TFDP1: variants seen among roughly 807,000 people sequenced by gnomAD.
The protein encoded by TFDP1 is transcription factor Dp-1, also known as DRTF1-polypeptide 1.
Under a neutral mutation model 48.0 loss-of-function variants are expected in TFDP1, and 6 were observed. The ratio of observed to expected loss-of-function variants is 0.13; its 90% CI spans 0.07 to 0.25. The LOEUF (loss-of-function observed/expected upper bound fraction) is 0.25, where lower values mean the gene tolerates loss of function less well. TFDP1 is among the 10% of genes least tolerant of loss of function. The pLI is 1.00. For missense variants in TFDP1, 335 were observed against 543.0 expected (o/e 0.62, Z 3.81); for synonymous variants, 201 against 211.6 (o/e 0.95, Z 0.44).
chr13:113,608,122 C>T (rs780435352), intron 2 of TFDP1, among the ~76,000 whole-genome samples: 15 of 152,092 alleles, frequency 9.9e-5, no homozygotes, highest in Non-Finnish European at 2.2e-4. Flanking sequence ...AGGCCGCAGG[C>T]AGCCGCTCTT....
intron 3 of TFDP1, among the ~76,000 whole-genome samples, chr13:113,616,707 C>T (rs1483541736): frequency 1.3e-5 from 2 of 152,150 alleles, no homozygotes; most frequent in African/African-American, 4.8e-5. Context: ...GTGTTGCTTA[C>T]GTAATTCCTC....
At chr13:113,610,468 G>A (rs1048668754) in intron 2 of TFDP1, among the ~76,000 whole-genome samples, 2 of 148,906 alleles carry the variant, frequency 1.3e-5, no homozygotes, top group African/African-American at 5.1e-5. Flanking sequence ...GTGCCATCAC[G>A]TGTGCCCCCG....
At chr13:113,618,518 C>T (rs2048917683) in intron 3 of TFDP1, among the ~76,000 whole-genome samples, 1 of 152,152 alleles carries the variant, frequency 6.6e-6, no homozygotes, top group Non-Finnish European at 1.5e-5. Flanking sequence ...GAGACCCTGT[C>T]TCAAAAACAA....
At chr13:113,612,713 C>T (rs2048735340) in intron 3 of TFDP1, among the ~76,000 whole-genome samples, 1 of 152,194 alleles carries the variant, frequency 6.6e-6, no homozygotes, top group South Asian at 2.1e-4. Context: ...GGGCTGTCTC[C>T]TTTTCCATTC....
intron 2 of TFDP1, among the ~76,000 whole-genome samples, chr13:113,599,185 T>G (rs943753853): frequency 1.3e-5 from 2 of 151,816 alleles, no homozygotes; most frequent in African/African-American, 4.8e-5. Flanking sequence ...TTTTTTCACA[T>G]CAATAAATAT....
intron 4 of TFDP1, among the ~76,000 whole-genome samples, chr13:113,626,139 TCAGGTGTCTCTCAGGTGTCCC>T (rs1194024238): frequency 6.7e-6 from 1 of 149,104 alleles, no homozygotes; most frequent in African/African-American, 2.6e-5. Flanking sequence ...TCACGTGTCC[TCAGGTGTCTCTCAGGTGTCCC>T]CAGGTGTCTC....
At chr13:113,600,447 T>C (rs1234696026) in intron 2 of TFDP1, among the ~76,000 whole-genome samples, 5 of 149,028 alleles carry the variant, frequency 3.4e-5, no homozygotes, top group East Asian at 2.0e-4. Flanking sequence ...CCCTTGCACA[T>C]AGGGCTCCAG....
chr13:113,626,417 G>A (rs2049180769), intron 4 of TFDP1, among the ~76,000 whole-genome samples: 1 of 152,180 alleles, frequency 6.6e-6, no homozygotes, highest in African/African-American at 2.4e-5. Flanking sequence ...GTTAGGATAT[G>A]AGTTTTAAGA....
intron 2 of TFDP1, 82 bp from the exon 3 acceptor site, chr13:113,610,914 C>A: frequency 1.6e-6 from 2 of 1,280,108 alleles, no homozygotes; most frequent in Non-Finnish European, 2.3e-6. Flanking sequence ...TTTGATAGAA[C>A]CCTTGAGGGT....
At position 113,640,231 on chromosome 13, in the gene TFDP1, G is replaced by A; in HGVS notation, c.1197G>A (p.Glu399=). The part of the protein sequence containing the change: ...PVSYVGEDDE[E]DDDFNENDED... The stretch of plus-strand genomic sequence containing the variant: ...CCTACGTCGGGGAGGACGACGAGGA[G>A]GACGATGACTTCAACGAGAATGACG... Residue 399 remains glutamate, a synonymous_variant, in exon 12 of 12, where the codon GAG becomes GAA. Coordinates refer to ENST00000375370, the MANE Select transcript of TFDP1 (RefSeq NM_007111.5). 1.2e-6 allele frequency: 2 copies of A among 1,613,594 alleles called. No homozygotes were observed. Among genetic ancestry groups the A allele is most frequent in the Non-Finnish European group, 1.7e-6 (2 of 1,179,788 alleles).
intron 11 of TFDP1, among the ~76,000 whole-genome samples, 192 bp downstream of exon 11, chr13:113,638,088 C>A (rs774613284): frequency 1.1e-4 from 17 of 152,216 alleles, no homozygotes; most frequent in Admixed American, 3.3e-4. Flanking sequence ...GGTTTCTGCT[C>A]ACTAAAAACT....
rs76755451 is a variant in TFDP1 at position 113,620,816 on chromosome 13, T to A, written c.80-2364T>A. On this transcript the variant is annotated intron_variant, in intron 3 of 11. Transcript: ENST00000375370. ...TTGGAAGAAAATTTCCCAAAGCAGA[T>A]CATCTTATTTTAGTTCCAGAAGAGA... 4.4e-3 allele frequency among the ~76,000 whole-genome samples: 669 copies of A among 152,342 alleles called. 31 individuals are homozygous for A. The East Asian group carries it at 0.11, about 24-fold the overall frequency.
chr13:113,620,567 G>A (rs1566661983), intron 3 of TFDP1, among the ~76,000 whole-genome samples: 1 of 152,176 alleles, frequency 6.6e-6, no homozygotes, highest in Non-Finnish European at 1.5e-5. Context: ...GTGTTTAATT[G>A]CGTACTTTAA....
At chr13:113,586,043 A>G (rs1379386742) in intron 2 of TFDP1, 194 bp downstream of exon 2, 3 of 553,084 alleles carry the variant, frequency 5.4e-6, no homozygotes, top group East Asian at 5.9e-5. Context: ...ACCACCCACA[A>G]GTTGTGGCCT....
At chr13:113,630,367 G>A (rs1229381064) in intron 4 of TFDP1, among the ~76,000 whole-genome samples, 1 of 152,178 alleles carries the variant, frequency 6.6e-6, no homozygotes, top group African/African-American at 2.4e-5. Context: ...ATCAGTCCTT[G>A]AAATGTTTTT....
At chr13:113,585,979 C>A in intron 2 of TFDP1, 130 bp downstream of exon 2, 2 of 1,089,608 alleles carry the variant, frequency 1.8e-6, no homozygotes, top group South Asian at 1.6e-5. Flanking sequence ...TTTAAAGCGT[C>A]TGAAGCGGGA....
At chr13:113,603,348 A>C (rs2048487519) in intron 2 of TFDP1, among the ~76,000 whole-genome samples, 1 of 152,180 alleles carries the variant, frequency 6.6e-6, no homozygotes. Flanking sequence ...GCTGGCTGGC[A>C]AAGAGGGAGG....
chr13:113,634,596 T>A lies in TFDP1; in HGVS notation c.681T>A (p.Ile227=). The change falls in exon 8 of 12, where the codon ATT becomes ATA. Residue 227 remains isoleucine, a synonymous_variant. Transcript: ENST00000375370. ...KQKQSQLQEL[I]LQQIAFKNLV... ...AACAGTCTCAACTTCAAGAACTTAT[T>A]CTACAGGTAAGAGAATACGTATCTG... 1 of 1,611,720 alleles carries A rather than the reference T, an allele frequency of 6.2e-7. No individual in the cohort carries two copies. The highest frequency in any genetic ancestry group is 8.5e-7 in the Non-Finnish European group (1 of 1,178,772).
At chr13:113,613,265 T>C (rs911660094) in intron 3 of TFDP1, among the ~76,000 whole-genome samples, 14 of 152,344 alleles carry the variant, frequency 9.2e-5, no homozygotes, top group Admixed American at 9.1e-4. Context: ...CCGCCCACCT[T>C]GGCCTCCCAA....
Sources: allele counts gnomAD v4.1 joint callset (sites outside exome capture counted in the v4.1 genomes callset), GRCh38; gene constraint gnomAD v4.1.1; transcripts MANE v1.5; gene names NCBI Gene and HGNC (gene_info 2026-07-23, HGNC 2026-07-21).